ZMYM2: variants seen among roughly 807,000 people sequenced by gnomAD.
ZMYM2 encodes the protein zinc finger MYM-type containing 2.
ZMYM2 carries 56 observed loss-of-function variants against 162.8 expected under a neutral mutation model. That is an observed-to-expected ratio of 0.34 (90% CI 0.28 to 0.43). The LOEUF (loss-of-function observed/expected upper bound fraction) is 0.43. Ranked by LOEUF, ZMYM2 falls within the 20% of genes least tolerant of loss-of-function variation. ZMYM2 has a pLI of 1.00. For missense variants in ZMYM2, 1,275 were observed against 1,621.8 expected (o/e 0.79, Z 3.67); for synonymous variants, 510 against 541.6 (o/e 0.94, Z 0.81).
chr13:19,911,007 T>C, the ZMYM2 span, among the ~76,000 whole-genome samples: 3 of 149,518 alleles, frequency 2.0e-5, no homozygotes, highest in Non-Finnish European at 4.4e-5. Flanking sequence ...ACCTGAATCA[T>C]AAAAACAGAA....
At chr13:19,990,127 A>G (rs115810781) in intron 2 of ZMYM2, among the ~76,000 whole-genome samples, 1 of 152,320 alleles carries the variant, frequency 6.6e-6, no homozygotes, top group African/African-American at 2.4e-5. Context: ...CTGTTCCAGT[A>G]AAATCCAAAC....
At chr13:19,988,003 T>C (rs1949315429) in intron 2 of ZMYM2, among the ~76,000 whole-genome samples, 1 of 152,250 alleles carries the variant, frequency 6.6e-6, no homozygotes, top group Admixed American at 6.5e-5. Context: ...CACAGCTCTT[T>C]CTCTGAGAGG....
chr13:20,042,100 G>A (rs1954306739), intron 12 of ZMYM2, among the ~76,000 whole-genome samples: 1 of 152,082 alleles, frequency 6.6e-6, no homozygotes, highest in South Asian at 2.1e-4. Context: ...TTGAATGTTG[G>A]CCTCTCTAGC....
chr13:20,086,216 T>C lies in ZMYM2; in HGVS notation c.*202T>C. ...TAGTGGTTTTAGGATACTTAACAAATACATTCAAATTCTTTTTTTATTATT... is the reference window on the plus strand; with the variant it reads ...TAGTGGTTTTAGGATACTTAACAAACACATTCAAATTCTTTTTTTATTATT... On this transcript the variant is annotated 3_prime_UTR_variant, in exon 25 of 25. Coordinates refer to ENST00000610343, the MANE Select transcript of ZMYM2 (RefSeq NM_197968.4). 2.5e-6 allele frequency: 1 copy of C among 399,540 alleles called. No homozygotes were observed. The highest frequency in any genetic ancestry group is 4.4e-6 in the Non-Finnish European group (1 of 225,728). 24.7% of individuals were successfully genotyped at this position (399,540 alleles called of 1,614,324 possible).
At chr13:20,060,170 T>C (rs1956122893) in intron 16 of ZMYM2, among the ~76,000 whole-genome samples, 1 of 152,222 alleles carries the variant, frequency 6.6e-6, no homozygotes, top group Admixed American at 6.5e-5. Flanking sequence ...CCTAGAATAC[T>C]GAGGATAACT....
intron 15 of ZMYM2, 102 bp from the exon 16 acceptor site, chr13:20,059,345 A>G (rs1956061280): frequency 8.4e-7 from 1 of 1,197,534 alleles, no homozygotes; most frequent in African/African-American, 1.6e-5. Context: ...AAAAAAAGGT[A>G]CTGAGGTAGT....
At chr13:19,867,715 TC>T in the ZMYM2 span, among the ~76,000 whole-genome samples, 1 of 152,036 alleles carries the variant, frequency 6.6e-6, no homozygotes. Flanking sequence ...AACCTCCGCC[TC>T]CCGGGTTCGA....
intron 3 of ZMYM2, among the ~76,000 whole-genome samples, chr13:20,000,524 T>A (rs1660921815): frequency 6.6e-6 from 1 of 152,152 alleles, no homozygotes; most frequent in Non-Finnish European, 1.5e-5. Flanking sequence ...AATTGTAGGG[T>A]CCTTAAGAAT....
chr13:19,896,198 C>T, the ZMYM2 span, among the ~76,000 whole-genome samples: 4 of 151,474 alleles, frequency 2.6e-5, no homozygotes, highest in Admixed American at 2.0e-4. Context: ...GGCTGGAGTG[C>T]AGTGGCACGA....
chr13:19,966,360 C>T (rs919459615), intron 2 of ZMYM2, among the ~76,000 whole-genome samples: 2 of 151,150 alleles, frequency 1.3e-5, no homozygotes, highest in Non-Finnish European at 2.9e-5. Flanking sequence ...TCTTGAACTC[C>T]CGACCTCAGG....
chr13:19,940,309 A>G, the ZMYM2 span, among the ~76,000 whole-genome samples: 1 of 152,186 alleles, frequency 6.6e-6, no homozygotes, highest in African/African-American at 2.4e-5. Flanking sequence ...CCACCCAGGG[A>G]TGGAGGACAA....
chr13:20,034,319 T>A lies in ZMYM2; in HGVS notation c.2034T>A (p.Val678=), dbSNP rs1566355868. ...SDDYKKLHCI[V]TYCEYCQEEK... ...ACTATAAGAAGTTGCATTGCATAGT[T>A]ACATATTGCGAATACTGTCAAGAGG... Residue 678 remains valine, a synonymous_variant, in exon 11 of 25, where the codon GTT becomes GTA. Coordinates refer to ENST00000610343, the MANE Select transcript of ZMYM2 (RefSeq NM_197968.4). The A allele has an allele frequency of 1.2e-6, 2 of 1,611,722 alleles. No homozygotes were observed. The highest frequency in any genetic ancestry group is 8.5e-7 in the Non-Finnish European group (1 of 1,179,166).
the ZMYM2 span, among the ~76,000 whole-genome samples, chr13:19,905,169 G>A: frequency 2.6e-5 from 4 of 151,854 alleles, no homozygotes; most frequent in African/African-American, 9.7e-5. Flanking sequence ...GCACCACCAC[G>A]CTCCAGTTAA....
rs1445666525 is a variant in ZMYM2, at chr13:20,087,001, C to CT, written c.*989dup. The CT allele has an allele frequency of 5.5e-6, 1 of 182,640 alleles. No homozygotes were observed. Among genetic ancestry groups the CT allele is most frequent in the Non-Finnish European group, 1.2e-5 (1 of 85,892 alleles). 11.3% of individuals were successfully genotyped at this position (182,640 alleles called of 1,614,324 possible). A position where few individuals can be genotyped will look rare whatever the true frequency, so the allele number is the denominator to read the frequency against. ...ATGTTAGCTGTGTAGTACTCTAAAA[C>CT]TTAGCAATTTTATCAGAATTCTTGT... On this transcript the variant is annotated 3_prime_UTR_variant, in exon 25 of 25. Transcript: ENST00000610343.
At chr13:19,954,807 A>G (rs990559361), upstream of ZMYM2, among the ~76,000 whole-genome samples, 4 of 151,196 alleles carry the variant, frequency 2.6e-5, no homozygotes, top group African/African-American at 9.7e-5. Flanking sequence ...TTGTTAAAAT[A>G]TTGTTGTTTT....
intron 3 of ZMYM2, 101 bp downstream of exon 3, chr13:19,994,020 A>G: frequency 2.4e-6 from 3 of 1,239,558 alleles, no homozygotes; most frequent in Non-Finnish European, 3.3e-6. Flanking sequence ...TAGTTTCATC[A>G]TGTGAAATAT....
At chr13:19,928,190 T>C in the ZMYM2 span, among the ~76,000 whole-genome samples, 2 of 152,158 alleles carry the variant, frequency 1.3e-5, no homozygotes, top group Non-Finnish European at 2.9e-5. Context: ...TTTATTTCTT[T>C]GTAGAGGCGA....
intron 14 of ZMYM2, among the ~76,000 whole-genome samples, chr13:20,057,411 T>C (rs2140701357): frequency 6.6e-6 from 1 of 152,312 alleles, no homozygotes; most frequent in South Asian, 2.1e-4. Flanking sequence ...GTTCTGGGAT[T>C]ACACATGTGA....
At chr13:19,917,875 A>G in the ZMYM2 span, among the ~76,000 whole-genome samples, 392 of 152,208 alleles carry the variant, frequency 2.6e-3, 3 homozygotes, top group South Asian at 0.035. Flanking sequence ...CCTGGCCAAT[A>G]TAGTGAAATC....
Sources: gnomAD v4.1 joint callset for allele counts (sites outside exome capture counted in the v4.1 genomes callset) on GRCh38, gnomAD v4.1.1 for gene constraint, MANE v1.5 for transcripts, NCBI Gene and HGNC (gene_info 2026-07-23, HGNC 2026-07-21) for gene names.